TECTB: variants seen among roughly 807,000 people sequenced by gnomAD.
TECTB encodes the protein tectorin beta.
Under a neutral mutation model 43.3 loss-of-function variants are expected in TECTB, and 45 were observed. The ratio of observed to expected loss-of-function variants is 1.04; its 90% CI spans 0.82 to 1.33. The LOEUF (loss-of-function observed/expected upper bound fraction) is 1.33. Ranked by LOEUF, TECTB falls within the 40% of genes most tolerant of loss-of-function variation. The pLI is 0.00. For synonymous variants in TECTB, 169 were observed against 156.7 expected, an observed-to-expected ratio of 1.08 and a Z score of -0.59; for missense variants, 399 against 404.7, an observed-to-expected ratio of 0.99 and a Z score of 0.12.
At chr10:112,288,928 AG>A (rs1218797263) in intron 5 of TECTB, among the ~76,000 whole-genome samples, 1 of 152,178 alleles carries the variant, frequency 6.6e-6, no homozygotes, top group Non-Finnish European at 1.5e-5. Context: ...GAAATACCCT[AG>A]TGCTGTGGTT....
In TECTB at chr10:112,294,060, G is replaced by C. The variant is rs372410453; in HGVS notation, c.670G>C (p.Gly224Arg). The C allele has an allele frequency of 4.3e-6, 7 of 1,613,822 alleles. No homozygotes were observed. The highest frequency in any genetic ancestry group is 5.1e-6 in the Non-Finnish European group (6 of 1,179,842). Residue 224 changes from glycine to arginine, a missense_variant and splice_region_variant, in exon 7 of 11, where the codon GGC (glycine) becomes CGC (arginine). Coordinates refer to ENST00000646139, the MANE Select transcript of TECTB (RefSeq NM_058222.3). ...YPLQWQLINK[G>R]CPTDETVLVH... ...CTTGCAGTGGCAGCTGATCAACAAG[G>C]GGTAGGTACACTATCTAGAGACAGG...
intron 9 of TECTB, 107 bp downstream of exon 9, chr10:112,299,671 G>A (rs1340414541): frequency 1.4e-5 from 17 of 1,243,714 alleles, no homozygotes; most frequent in East Asian, 4.8e-5. Flanking sequence ...CAAACCAGTC[G>A]TGCCTGTGGG....
intron 7 of TECTB, among the ~76,000 whole-genome samples, chr10:112,295,704 C>A (rs1848540610): frequency 6.6e-6 from 1 of 152,232 alleles, no homozygotes; most frequent in East Asian, 1.9e-4. Context: ...CTGCAGGGAC[C>A]AGAAATTGCT....
Position 112,294,056 on chromosome 10 carries a change from C to A in TECTB, c.666C>A (p.Asn222Lys), listed in dbSNP as rs1649928844. The part of the protein sequence containing the change: ...FMYPLQWQLI[N>K]KGCPTDETVL... ...ATCCCTTGCAGTGGCAGCTGATCAACAAGGGGTAGGTACACTATCTAGAGA... is the reference window on the plus strand; with the variant it reads ...ATCCCTTGCAGTGGCAGCTGATCAAAAAGGGGTAGGTACACTATCTAGAGA... The change falls in exon 7 of 11, where the codon AAC becomes AAA. Residue 222 changes from asparagine to lysine, a missense_variant. Coordinates refer to ENST00000646139, the MANE Select transcript of TECTB (RefSeq NM_058222.3). 2 of 1,613,824 alleles carry A rather than the reference C, an allele frequency of 1.2e-6. No homozygotes were observed. Among genetic ancestry groups the A allele is most frequent in the Admixed American group, 1.7e-5 (1 of 59,976 alleles).
At chr10:112,286,269 T>A (rs1180748945) in intron 4 of TECTB, 50 bp from the exon 5 acceptor site, 1 of 1,613,298 alleles carries the variant, frequency 6.2e-7, no homozygotes, top group Non-Finnish European at 8.5e-7. Context: ...CTGCAGGTCC[T>A]ATCAATCAGC....
At chr10:112,290,232 A>T (rs186073156) in intron 5 of TECTB, among the ~76,000 whole-genome samples, 33 of 152,328 alleles carry the variant, frequency 2.2e-4, no homozygotes, top group African/African-American at 7.9e-4. Context: ...CTCAGTAGCC[A>T]TCCATGTTAT....
In TECTB at chr10:112,297,741, CT is replaced by C. The variant is rs138519174; in HGVS notation, c.672-327del. ...CCTTACTTTGTATGTCCCTCAAGGG[CT>C]GGACATATTCCAGTCCTCGGAGGGC... On this transcript the variant is annotated intron_variant, in intron 7 of 10. Coordinates refer to ENST00000646139, the MANE Select transcript of TECTB (RefSeq NM_058222.3). Among the ~76,000 whole-genome samples the C allele has an allele frequency of 7.5e-3, 1,142 of 152,272 alleles. 14 individuals carry two copies. Among genetic ancestry groups the C allele is most frequent in the African/African-American group, 0.026 (1,069 of 41,562 alleles).
At chr10:112,290,758 C>A (rs901822945) in intron 5 of TECTB, among the ~76,000 whole-genome samples, 9 of 152,184 alleles carry the variant, frequency 5.9e-5, no homozygotes, top group African/African-American at 2.2e-4. Context: ...GCCAGTAGAT[C>A]CCTTATGATT....
Position 112,284,563 on chromosome 10 carries a change from A to G in TECTB, c.105A>G (p.Lys35=). 6.2e-7 allele frequency: 1 copy of G among 1,611,262 alleles called. No individual in the cohort carries two copies. The highest frequency in any genetic ancestry group is 1.3e-5 in the African/African-American group (1 of 74,938). The change falls in exon 3 of 11, where the codon AAA becomes AAG. Residue 35 remains lysine (K), a synonymous_variant. Transcript: ENST00000646139. ...TCATTCTTGTGTTTTGCTATCCCAA[A>G]ACCATCATCACCAAAATCCCCGAGT... ...ADVILVFCYP[K]TIITKIPECP...
rs1306960725 is a variant in TECTB at position 112,300,269 on chromosome 10, A to AG, written c.907+706dup. On this transcript the variant is annotated intron_variant, in intron 9 of 10. Coordinates refer to ENST00000646139, the MANE Select transcript of TECTB (RefSeq NM_058222.3). ...AAGAAAGAAAGAAAGAAAGAAAGAAAGAAAGAAAGAAAAGAAAGAAAGAAA... is the reference window on the plus strand; with the variant it reads ...AAGAAAGAAAGAAAGAAAGAAAGAAAGGAAAGAAAGAAAAGAAAGAAAGAAA... 6.4e-4 allele frequency among the ~76,000 whole-genome samples: 23 copies of AG among 35,696 alleles called. 1 individual carries two copies. The highest frequency in any genetic ancestry group is 2.6e-3 in the African/African-American group (13 of 4,974). The allele number at this position is 35,696 out of a possible 152,430, so 23.4% of individuals were successfully genotyped here.
Position 112,286,056 on chromosome 10 carries a change from C to A in TECTB, c.268-15C>A, listed in dbSNP as rs766997824. On this transcript the variant is annotated splice_polypyrimidine_tract_variant and intron_variant, in intron 3 of 10. Transcript: ENST00000646139. Reference sequence around the variant, plus strand: ...GGAAACAGATTCATCCTGACTGTCTCCTTTCTTTGTCCAGTACAAGCCACC... The same window carrying A: ...GGAAACAGATTCATCCTGACTGTCTACTTTCTTTGTCCAGTACAAGCCACC... 20 of 1,613,850 alleles carry A rather than the reference C, an allele frequency of 1.2e-5. No individual in the cohort carries two copies. Among genetic ancestry groups the A allele is most frequent in the Non-Finnish European group, 1.6e-5 (19 of 1,179,892 alleles).
intron 7 of TECTB, among the ~76,000 whole-genome samples, chr10:112,295,515 G>T (rs960670594): frequency 1.3e-5 from 2 of 152,194 alleles, no homozygotes; most frequent in African/African-American, 4.8e-5. Flanking sequence ...CTCCTGAGTG[G>T]CCTGGACAGG....
chr10:112,299,490 A>G lies in TECTB; in HGVS notation c.835-2A>G. On this transcript the variant is annotated splice_acceptor_variant, in intron 8 of 10. Coordinates refer to ENST00000646139, the MANE Select transcript of TECTB (RefSeq NM_058222.3). LOFTEE classifies it high-confidence loss of function. The stretch of plus-strand genomic sequence containing the variant: ...CTCCTGTCTGCCTCTCTGGGTCTTC[A>G]GACCTGCGATAAACGGAAGCGCCTC... 2.5e-6 allele frequency: 4 copies of G among 1,614,134 alleles called. No homozygotes were observed. The highest frequency in any genetic ancestry group is 3.4e-6 in the Non-Finnish European group (4 of 1,180,014).
intron 5 of TECTB, among the ~76,000 whole-genome samples, chr10:112,288,114 C>T (rs1007900200): frequency 1.3e-5 from 2 of 152,146 alleles, no homozygotes; most frequent in Admixed American, 1.3e-4. Context: ...AGGGGACTCC[C>T]TGATGACAGG....
intron 5 of TECTB, among the ~76,000 whole-genome samples, chr10:112,292,073 T>A (rs1251349469): frequency 4.1e-5 from 6 of 148,082 alleles, no homozygotes; most frequent in Non-Finnish European, 8.9e-5. Context: ...GAGGCAGAGT[T>A]CACAATGAGC....
chr10:112,295,309 C>A (rs560220003), intron 7 of TECTB, among the ~76,000 whole-genome samples: 3 of 152,168 alleles, frequency 2.0e-5, no homozygotes, highest in African/African-American at 7.2e-5. Context: ...ACAGCTCTTA[C>A]AATATACCAA....
intron 3 of TECTB, 42 bp from the exon 4 acceptor site, chr10:112,286,029 G>C: frequency 6.2e-7 from 1 of 1,610,444 alleles, no homozygotes; most frequent in Non-Finnish European, 8.5e-7. Flanking sequence ...TTCCCATCGC[G>C]GGGAAACAGA....
intron 5 of TECTB, among the ~76,000 whole-genome samples, chr10:112,286,865 T>C (rs1468649933): frequency 6.6e-6 from 1 of 152,160 alleles, no homozygotes; most frequent in Non-Finnish European, 1.5e-5. Flanking sequence ...GAGGTTGCAG[T>C]GAGCCAAGAT....
At chr10:112,303,202 G>A in intron 10 of TECTB, 61 bp from the exon 11 acceptor site, 1 of 1,599,122 alleles carries the variant, frequency 6.3e-7, no homozygotes, top group Non-Finnish European at 8.6e-7. Flanking sequence ...CTTCTGTTGA[G>A]TTGGCTTTAC....
Sources: gnomAD v4.1 joint callset for allele counts (sites outside exome capture counted in the v4.1 genomes callset) on GRCh38, gnomAD v4.1.1 for gene constraint, MANE v1.5 for transcripts, NCBI Gene and HGNC (gene_info 2026-07-23, HGNC 2026-07-21) for gene names.